CC2D1A: variants seen among roughly 807,000 people sequenced by gnomAD.
The protein encoded by CC2D1A is coiled-coil and C2 domain containing 1A, also known as coiled-coil and C2 domain-containing protein 1A.
Under a neutral mutation model 123.8 loss-of-function variants are expected in CC2D1A, and 68 were observed. The ratio of observed to expected loss-of-function variants is 0.55; its 90% CI spans 0.45 to 0.67. CC2D1A has a LOEUF of 0.67. CC2D1A is among the 30% of genes least tolerant of loss of function. CC2D1A has a pLI of 0.00. For synonymous variants in CC2D1A, 477 were observed against 528.0 expected, an observed-to-expected ratio of 0.90 and a Z score of 1.32; for missense variants, 1,185 against 1,290.3, an observed-to-expected ratio of 0.92 and a Z score of 1.25.
rs769805128 is a variant in CC2D1A at position 13,918,070 on chromosome 19, G to T, written c.749G>T (p.Gly250Val). The T allele has an allele frequency of 6.2e-7, 1 of 1,613,116 alleles. No homozygotes were observed. The highest frequency in any genetic ancestry group is 1.1e-5 in the South Asian group (1 of 91,004). Residue 250 changes from glycine to valine, a missense_variant and splice_region_variant, in exon 7 of 29, where the codon GGT (glycine) becomes GTT (valine). Coordinates refer to ENST00000318003, the MANE Select transcript of CC2D1A (RefSeq NM_017721.5). ...TCCTGTATGTTGTTCTCCCTTCCAG[G>T]TCCCTGCAGCCCTGGCCCTCTGGCC... Reference protein sequence around the residue: ...PGLAKPQMPPGPCSPGPLAQL... With the variant: ...PGLAKPQMPPVPCSPGPLAQL...
In CC2D1A at chr19:13,906,638, G is replaced by A. The variant is rs1353500814; in HGVS notation, c.60+137G>A. 1.6e-5 allele frequency: 9 copies of A among 547,892 alleles called. No homozygotes were observed. Among genetic ancestry groups the A allele is most frequent in the Non-Finnish European group, 2.8e-5 (9 of 323,144 alleles). The allele number at this position is 547,892 out of a possible 1,614,324, so 33.9% of individuals were successfully genotyped here. On this transcript the variant is annotated intron_variant, in intron 1 of 28. Coordinates refer to ENST00000318003, the MANE Select transcript of CC2D1A (RefSeq NM_017721.5). This position sits in a 1 kb window ranked among gnomAD's most constrained non-coding sequence, Gnocchi z 4.1. ...CCGGTCCCCGCCTCCCCCCAGGTGA[G>A]GCTCCAACACCACCCAAGTGTGGCC...
In CC2D1A at chr19:13,918,075, T is replaced by C. The variant is rs775760317; in HGVS notation, c.754T>C (p.Cys252Arg). The change falls in exon 7 of 29, where the codon TGC becomes CGC. Residue 252 changes from cysteine (C) to arginine (R), a missense_variant. Physicochemically the swap from Cys to Arg is radical, Grantham distance 180. Transcript: ENST00000318003. ...TATGTTGTTCTCCCTTCCAGGTCCCTGCAGCCCTGGCCCTCTGGCCCAGTT... is the reference window on the plus strand; with the variant it reads ...TATGTTGTTCTCCCTTCCAGGTCCCCGCAGCCCTGGCCCTCTGGCCCAGTT... Reference protein sequence around the residue: ...LAKPQMPPGPCSPGPLAQLQS... With the variant: ...LAKPQMPPGPRSPGPLAQLQS... 1.9e-6 allele frequency: 3 copies of C among 1,613,196 alleles called. No homozygotes were observed. Among genetic ancestry groups the C allele is most frequent in the East Asian group, 2.2e-5 (1 of 44,868 alleles).
At position 13,909,098 on chromosome 19, in the gene CC2D1A, A is replaced by C. The variant is rs1202098159; in HGVS notation, c.61-725A>C. ...CACAGCACAACTCCCAGCTAATTTT[A>C]AAAAGTTTTTTTTCCTGTAATCCCA... On this transcript the variant is annotated intron_variant, in intron 1 of 28. Coordinates refer to ENST00000318003, the MANE Select transcript of CC2D1A (RefSeq NM_017721.5). Among the ~76,000 whole-genome samples, 4 of 152,028 alleles carry C rather than the reference A, an allele frequency of 2.6e-5. No individual in the cohort carries two copies. In the East Asian group the frequency reaches 7.7e-4, roughly 29 times the overall value.
In CC2D1A at chr19:13,906,477, C is replaced by A. The variant is rs1370741284; in HGVS notation, c.36C>A (p.Gly12=). The A allele has an allele frequency of 6.6e-7, 1 of 1,512,762 alleles. No individual in the cohort carries two copies. Among genetic ancestry groups the A allele is most frequent in the Non-Finnish European group, 8.8e-7 (1 of 1,132,884 alleles). 93.7% of individuals were successfully genotyped at this position (1,512,762 alleles called of 1,614,324 possible). The change falls in exon 1 of 29, where the codon GGC becomes GGA. Residue 12 remains glycine (G), a synonymous_variant. Coordinates refer to ENST00000318003, the MANE Select transcript of CC2D1A (RefSeq NM_017721.5). The surrounding 1 kb of genome is among the most constrained non-coding windows in gnomAD (Gnocchi z 4.1). The part of the protein sequence containing the change: ...HKRKGPPGPP[G]RGAAAARQLG... ...GGAAAGGACCCCCGGGACCCCCGGGCAGAGGCGCCGCGGCCGCCCGCCAGG... is the reference window on the plus strand; with the variant it reads ...GGAAAGGACCCCCGGGACCCCCGGGAAGAGGCGCCGCGGCCGCCCGCCAGG...
chr19:13,924,797 C>G (rs1257885507), intron 17 of CC2D1A, among the ~76,000 whole-genome samples: 1 of 152,152 alleles, frequency 6.6e-6, no homozygotes, highest in African/African-American at 2.4e-5. Context: ...GGTGCAGCCA[C>G]TAGCCCTCCG....
chr19:13,916,363 G>A (rs532203085), intron 6 of CC2D1A, among the ~76,000 whole-genome samples: 3 of 152,150 alleles, frequency 2.0e-5, no homozygotes, highest in East Asian at 1.9e-4. Flanking sequence ...CCCGGAGTTC[G>A]AGATCTGTCT....
chr19:13,914,585 C>T (rs1971135163), intron 6 of CC2D1A, among the ~76,000 whole-genome samples: 2 of 151,530 alleles, frequency 1.3e-5, no homozygotes, highest in Admixed American at 6.6e-5. Context: ...CTGCCTGCCT[C>T]GGCCTCCCAA....
rs1205004204 is a variant in CC2D1A at position 13,930,537 on chromosome 19, C to T, written c.*142C>T. On this transcript the variant is annotated 3_prime_UTR_variant, in exon 29 of 29. Coordinates refer to ENST00000318003, the MANE Select transcript of CC2D1A (RefSeq NM_017721.5). The surrounding 1 kb of genome is among the most constrained non-coding windows in gnomAD (Gnocchi z 6.8). ...CACCCCTCATCCGGGCCCCCAGCCC[C>T]GCCAGAGCCTCCGTGGCTGCGGGTG... 1.2e-5 allele frequency: 11 copies of T among 932,192 alleles called. No homozygotes were observed. The Admixed American group carries it at 2.3e-4, about 20-fold the overall frequency. 57.7% of individuals were successfully genotyped at this position (932,192 alleles called of 1,614,324 possible). A position where few individuals can be genotyped will look rare whatever the true frequency, so the allele number is the denominator to read the frequency against.
At chr19:13,912,842 T>C (rs1971051084) in intron 4 of CC2D1A, among the ~76,000 whole-genome samples, 1 of 152,116 alleles carries the variant, frequency 6.6e-6, no homozygotes, top group Non-Finnish European at 1.5e-5. Context: ...TTGGTAGAGA[T>C]GGTGTTTCTC....
chr19:13,927,891 AG>A lies in CC2D1A; in HGVS notation c.2317del, dbSNP rs757469166. ...CAACAGTTTCTCCTTACCCCCACCC[AG>A]GTCCTGGATGGTCGCCGGCCCACAG... On this transcript the variant is annotated splice_acceptor_variant, in intron 22 of 28. Transcript: ENST00000318003. LOFTEE classifies it high-confidence loss of function. 6.2e-7 allele frequency: 1 copy of A among 1,612,250 alleles called. No individual in the cohort carries two copies. The highest frequency in any genetic ancestry group is 1.3e-5 in the African/African-American group (1 of 74,564).
chr19:13,927,202 G>A lies in CC2D1A; in HGVS notation c.2253G>A (p.Leu751=), dbSNP rs756455312. Residue 751 remains leucine (L), a synonymous_variant, in exon 22 of 29, where the codon CTG becomes CTA. Transcript: ENST00000318003. ...KGGLFKTDRV[L]GTAQLKLDAL... ...GGCTGTTCAAGACTGACCGGGTGCT[G>A]GGGACAGCCCAGCTGAAGCTGGATG... The A allele has an allele frequency of 2.5e-6, 4 of 1,613,966 alleles. No individual in the cohort carries two copies. The highest frequency in any genetic ancestry group is 3.4e-6 in the Non-Finnish European group (4 of 1,180,004).
Position 13,930,497 on chromosome 19 carries a change from A to C in CC2D1A, c.*102A>C. ...CCAGACAAGCAGACAATCAGCGGAC[A>C]ATCGGTTCTGGACTCACCCCTCATC... On this transcript the variant is annotated 3_prime_UTR_variant, in exon 29 of 29. Transcript: ENST00000318003. The surrounding 1 kb of genome is among the most constrained non-coding windows in gnomAD (Gnocchi z 6.8). The C allele has an allele frequency of 5.2e-6, 7 of 1,358,102 alleles. No homozygotes were observed. Among genetic ancestry groups the C allele is most frequent in the Non-Finnish European group, 5.9e-6 (6 of 1,012,718 alleles). The allele number at this position is 1,358,102 out of a possible 1,614,324, so 84.1% of individuals were successfully genotyped here.
At chr19:13,928,697 A>T (rs764288432) in intron 24 of CC2D1A, among the ~76,000 whole-genome samples, 2 of 142,508 alleles carry the variant, frequency 1.4e-5, no homozygotes, top group Non-Finnish European at 3.0e-5. Flanking sequence ...CCCAGTGCCC[A>T]GTGTGTCTTT....
chr19:13,918,873 A>G, intron 9 of CC2D1A, 39 bp from the exon 10 acceptor site: 1 of 1,608,468 alleles, frequency 6.2e-7, no homozygotes, highest in South Asian at 1.1e-5. Context: ...CTGTCTACCC[A>G]TCCGTTGACT....
Position 13,906,393 on chromosome 19 carries a change from G to C in CC2D1A, c.-49G>C. 1 of 1,455,604 alleles carries C rather than the reference G, an allele frequency of 6.9e-7. No homozygotes were observed. 90.2% of individuals were successfully genotyped at this position (1,455,604 alleles called of 1,614,324 possible). A position where few individuals can be genotyped will look rare whatever the true frequency, so the allele number is the denominator to read the frequency against. ...GCGACAGAGCCCGGGGAAGGAGGCA[G>C]GGCAAGGCCGGGCTTGGGGGCAGGT... On this transcript the variant is annotated 5_prime_UTR_variant, in exon 1 of 29. Transcript: ENST00000318003. This position sits in a 1 kb window ranked among gnomAD's most constrained non-coding sequence, Gnocchi z 4.1.
In CC2D1A at chr19:13,912,307, A is replaced by T. The variant is rs1971025674; in HGVS notation, c.197-16A>T. On this transcript the variant is annotated splice_polypyrimidine_tract_variant and intron_variant, in intron 2 of 28. Coordinates refer to ENST00000318003, the MANE Select transcript of CC2D1A (RefSeq NM_017721.5). Reference sequence around the variant, plus strand: ...TGTACGACCCTGGTCCACCTGGGGCATCCCCCTACCGCCAGGTCCCTTGCC... The same window carrying T: ...TGTACGACCCTGGTCCACCTGGGGCTTCCCCCTACCGCCAGGTCCCTTGCC... 6.3e-7 allele frequency: 1 copy of T among 1,578,722 alleles called. No homozygotes were observed. Among genetic ancestry groups the T allele is most frequent in the Non-Finnish European group, 8.6e-7 (1 of 1,162,640 alleles).
chr19:13,930,069 C>A lies in CC2D1A; in HGVS notation c.2711-9C>A. ...CCTAAGCCTCCATTCCCCCGCCATC[C>A]ATTCTCAGAATACGCAGCCCAGCTG... is the stretch of plus-strand genomic sequence containing the variant. On this transcript the variant is annotated splice_polypyrimidine_tract_variant and intron_variant, in intron 26 of 28. Coordinates refer to ENST00000318003, the MANE Select transcript of CC2D1A (RefSeq NM_017721.5). The surrounding 1 kb of genome is among the most constrained non-coding windows in gnomAD (Gnocchi z 6.8). 1 of 1,612,378 alleles carries A rather than the reference C, an allele frequency of 6.2e-7. No homozygotes were observed. The highest frequency in any genetic ancestry group is 1.1e-5 in the South Asian group (1 of 90,930).
chr19:13,910,513 G>A (rs774499187), intron 2 of CC2D1A, among the ~76,000 whole-genome samples: 23 of 151,646 alleles, frequency 1.5e-4, no homozygotes, highest in Non-Finnish European at 2.6e-4. Flanking sequence ...CACATCATGT[G>A]CTTTGGCCTC....
intron 6 of CC2D1A, 75 bp downstream of exon 6, chr19:13,913,713 C>A: frequency 8.6e-7 from 1 of 1,157,680 alleles, no homozygotes; most frequent in Non-Finnish European, 1.2e-6. Context: ...TAGGGGGGTG[C>A]CGGCTGTGCA....
Sources: allele counts gnomAD v4.1 joint callset (sites outside exome capture counted in the v4.1 genomes callset), GRCh38; gene constraint gnomAD v4.1.1; non-coding constraint Gnocchi (gnomAD v3.1); transcripts MANE v1.5; gene names NCBI Gene and HGNC (gene_info 2026-07-23, HGNC 2026-07-21).